The following MYH14 variants were observed in gnomAD, a reference collection of about 807,000 sequenced individuals.
The protein encoded by MYH14 is myosin-14.
Under a neutral mutation model 255.5 loss-of-function variants are expected in MYH14, and 123 were observed. That is an observed-to-expected ratio of 0.48 (90% CI 0.42 to 0.56). The LOEUF is 0.56. Among genes scored for constraint, MYH14 ranks in the 20% least tolerant of loss-of-function variants. MYH14 has a pLI of 0.00. For synonymous variants in MYH14, 1,095 were observed against 1,161.2 expected (o/e 0.94, Z 1.16); for missense variants, 2,423 against 2,802.3 (o/e 0.86, Z 3.06).
chr19:50,235,288 G>T (rs925026391), intron 10 of MYH14, among the ~76,000 whole-genome samples: 2 of 151,618 alleles, frequency 1.3e-5, no homozygotes, highest in African/African-American at 4.9e-5. Context: ...AACCTGGGAG[G>T]CAGAGGTTGC....
At chr19:50,249,186 C>A in intron 13 of MYH14, 47 bp downstream of exon 13, 2 of 1,513,908 alleles carry the variant, frequency 1.3e-6, no homozygotes, top group Non-Finnish European at 8.9e-7. Context: ...TCACTCCGGT[C>A]CTGGTCCTTT....
chr19:50,237,574 C>T (rs112268808), intron 10 of MYH14, among the ~76,000 whole-genome samples: 7,317 of 152,224 alleles, frequency 0.048, 227 homozygotes, highest in East Asian at 0.12. Flanking sequence ...GTGATCCACC[C>T]GCCTCCGCCT....
chr19:50,289,708 C>A (rs1239534561), intron 35 of MYH14, 60 bp downstream of exon 35: 6 of 1,488,760 alleles, frequency 4.0e-6, no homozygotes, highest in Non-Finnish European at 4.6e-6. Context: ...ATGGTGTGTA[C>A]AGGCAGCAAG....
In MYH14 at chr19:50,279,610, G is replaced by A. The variant is rs145779825; in HGVS notation, c.4033-427G>A. On this transcript the variant is annotated intron_variant, in intron 30 of 42. Coordinates refer to ENST00000642316, the MANE Select transcript of MYH14 (RefSeq NM_001145809.2). ...ATTGCACCATTGCGCTCTAGCCTGG[G>A]CAACAAGAGTGAAACTCTGTCTCAA... Among the ~76,000 whole-genome samples the A allele has an allele frequency of 3.4e-4, 52 of 152,356 alleles. No homozygotes were observed. The East Asian group carries it at 9.6e-3, about 28-fold the overall frequency.
rs10424246 is a variant in MYH14 at position 50,298,531 on chromosome 19, C to T, written c.5470-3130C>T. ...CTGTAATCCCAGCACTCTGGGAGGC[C>T]GAGGCTGGCAGGAGTTCAAGATCAG... is the stretch of plus-strand genomic sequence containing the variant. On this transcript the variant is annotated intron_variant, in intron 39 of 42. Coordinates refer to ENST00000642316, the MANE Select transcript of MYH14 (RefSeq NM_001145809.2). Among the ~76,000 whole-genome samples the T allele has an allele frequency of 9.7e-3, 1,465 of 151,208 alleles. 21 individuals are homozygous for T. Among genetic ancestry groups the T allele is most frequent in the African/African-American group, 0.033 (1,373 of 41,222 alleles).
intron 18 of MYH14, among the ~76,000 whole-genome samples, chr19:50,258,140 G>T (rs2123336284): frequency 6.6e-6 from 1 of 152,140 alleles, no homozygotes; most frequent in South Asian, 2.1e-4. Context: ...ATGTTGCCCA[G>T]GCTGCTCTCG....
intron 6 of MYH14, among the ~76,000 whole-genome samples, chr19:50,224,484 A>G (rs535571591): frequency 1.3e-5 from 2 of 152,338 alleles, no homozygotes; most frequent in East Asian, 3.9e-4. Context: ...CAAGGGAAAT[A>G]CACGCATGTC....
chr19:50,208,705 A>G (rs1199647904), intron 1 of MYH14, among the ~76,000 whole-genome samples: 1 of 152,204 alleles, frequency 6.6e-6, no homozygotes, highest in Non-Finnish European at 1.5e-5. Flanking sequence ...CATTAATTTA[A>G]TGATATATTT....
intron 11 of MYH14, among the ~76,000 whole-genome samples, chr19:50,245,690 G>C (rs2034084892): frequency 6.6e-6 from 1 of 152,138 alleles, no homozygotes; most frequent in Non-Finnish European, 1.5e-5. Context: ...AAGCTGCACA[G>C]CACAGAAAAT....
At chr19:50,249,165 T>C in intron 13 of MYH14, 26 bp downstream of exon 13, 4 of 1,548,334 alleles carry the variant, frequency 2.6e-6, no homozygotes, top group Non-Finnish European at 3.5e-6. Flanking sequence ...GGGAGGGGGA[T>C]GCCAACTTCC....
intron 8 of MYH14, 95 bp downstream of exon 8, chr19:50,227,061 T>G: frequency 1.0e-6 from 1 of 973,216 alleles, no homozygotes; most frequent in South Asian, 1.3e-5. Context: ...AGGGACCCCT[T>G]ACCTGCTACT....
Position 50,250,717 on chromosome 19 carries a change from G to T in MYH14, c.1830+29G>T, listed in dbSNP as rs2034339103. On this transcript the variant is annotated intron_variant, in intron 15 of 42. Coordinates refer to ENST00000642316, the MANE Select transcript of MYH14 (RefSeq NM_001145809.2). The surrounding 1 kb of genome is among the most constrained non-coding windows in gnomAD (Gnocchi z 5.4). Reference sequence around the variant, plus strand: ...GGGGCTGGGGCCGGCCTTGGGGCATGTGGGAGTGGGGATCAAGGGATCTCC... The same window carrying T: ...GGGGCTGGGGCCGGCCTTGGGGCATTTGGGAGTGGGGATCAAGGGATCTCC... 1 of 1,592,194 alleles carries T rather than the reference G, an allele frequency of 6.3e-7. No individual in the cohort carries two copies. The highest frequency in any genetic ancestry group is 8.6e-7 in the Non-Finnish European group (1 of 1,164,958).
chr19:50,297,527 C>T lies in MYH14; in HGVS notation c.5469+3840C>T, dbSNP rs558501861. ...TTTTTTTTTTTTTGAGACAGAGTCT[C>T]GCTCTTGTCGCCTAGGCTGGAGTGC... On this transcript the variant is annotated intron_variant, in intron 39 of 42. Transcript: ENST00000642316. Among the ~76,000 whole-genome samples, 15 of 105,340 alleles carry T rather than the reference C, an allele frequency of 1.4e-4. No homozygotes were observed. The South Asian group carries it at 5.1e-3, about 36-fold the overall frequency. The allele number at this position is 105,340 out of a possible 152,430, so 69.1% of individuals were successfully genotyped here. A position where few individuals can be genotyped will look rare whatever the true frequency, so the allele number is the denominator to read the frequency against.
intron 10 of MYH14, among the ~76,000 whole-genome samples, chr19:50,232,460 G>A (rs1180029915): frequency 5.3e-5 from 8 of 152,106 alleles, no homozygotes; most frequent in African/African-American, 1.9e-4. Flanking sequence ...CAGGCGTGGT[G>A]GTGGGCACCT....
chr19:50,302,911 AAAAAAG>A (rs540123177), intron 40 of MYH14, among the ~76,000 whole-genome samples: 25 of 152,176 alleles, frequency 1.6e-4, no homozygotes, highest in African/African-American at 3.8e-4. Flanking sequence ...CAAAAAGAAA[AAAAAAG>A]AAAAAGAAAA....
At chr19:50,205,353 C>A in intron 1 of MYH14, 1 of 154,088 alleles carries the variant, frequency 6.5e-6, no homozygotes, top group South Asian at 1.8e-4. Context: ...CCCGCCTTCC[C>A]CCGGCCCCCG....
At chr19:50,283,389 G>C (rs2035788832) in intron 33 of MYH14, among the ~76,000 whole-genome samples, 1 of 152,096 alleles carries the variant, frequency 6.6e-6, no homozygotes, top group Admixed American at 6.6e-5. Flanking sequence ...CGAAGTGCTG[G>C]GATTATAGGA....
In MYH14 at chr19:50,224,159, C is replaced by T. The variant is rs559122694; in HGVS notation, c.699C>T (p.Ser233=). 1.4e-5 allele frequency: 22 copies of T among 1,613,672 alleles called. No individual in the cohort carries two copies. Among genetic ancestry groups the T allele is most frequent in the Middle Eastern group, 3.3e-4 (2 of 6,084 alleles). The part of the protein sequence containing the change: ...KGRKEPGVPA[S]VSTVSYGELE... ...GTGTCCCGTGACTTCCTCAGGCCTC[C>T]GTCAGCACCGTGTCTTATGTGAGTA... The change falls in exon 6 of 43, where the codon TCC becomes TCT. Residue 233 remains serine, a synonymous_variant. Transcript: ENST00000642316.
In MYH14 at chr19:50,289,616, G is replaced by A. The variant is rs1451351698; in HGVS notation, c.4933G>A (p.Gly1645Ser). The A allele has an allele frequency of 2.5e-6, 4 of 1,611,840 alleles. No individual in the cohort carries two copies. The highest frequency in any genetic ancestry group is 3.3e-5 in the Admixed American group (2 of 59,766). ...ERDLQGRDEAGEERRRQLAKQ... is the reference protein window; with the variant it reads ...ERDLQGRDEASEERRRQLAKQ... ...TGACCTGCAGGGCCGTGATGAGGCT[G>A]GTGAAGAGAGGCGGAGGCAGCTGGC... Residue 1645 changes from glycine to serine, a missense_variant, in exon 35 of 43, where the codon GGT (glycine) becomes AGT (serine). Transcript: ENST00000642316.
Sources: allele counts gnomAD v4.1 joint callset (sites outside exome capture counted in the v4.1 genomes callset), GRCh38; gene constraint gnomAD v4.1.1; non-coding constraint Gnocchi (gnomAD v3.1); transcripts MANE v1.5; gene names NCBI Gene and HGNC (gene_info 2026-07-23, HGNC 2026-07-21).